RUNX2: variants seen among roughly 807,000 people sequenced by gnomAD.
RUNX2 encodes runt-related transcription factor 2.
RUNX2 carries 10 observed loss-of-function variants against 51.7 expected under a neutral mutation model. That is an observed-to-expected ratio of 0.19 (90% CI 0.12 to 0.33). The LOEUF is 0.33. RUNX2 is among the 10% of genes least tolerant of loss of function. The pLI is 1.00. For synonymous variants in RUNX2, 276 were observed against 273.6 expected (o/e 1.01, Z -0.09); for missense variants, 562 against 691.3 (o/e 0.81, Z 2.10).
At chr6:45,537,276 G>A (rs894093883) in intron 7 of RUNX2, among the ~76,000 whole-genome samples, 2 of 152,178 alleles carry the variant, frequency 1.3e-5, no homozygotes, top group Middle Eastern at 3.4e-3. Flanking sequence ...GTGATAATTG[G>A]TCAGAACACT....
intron 2 of RUNX2, among the ~76,000 whole-genome samples, chr6:45,357,294 A>C (rs1377112521): frequency 6.6e-6 from 1 of 152,126 alleles, no homozygotes; most frequent in African/African-American, 2.4e-5. Flanking sequence ...GGCGTGAGCC[A>C]CTGTGCCCGG....
chr6:45,439,846 C>A (rs1798793479), intron 5 of RUNX2, among the ~76,000 whole-genome samples: 1 of 152,172 alleles, frequency 6.6e-6, no homozygotes, highest in South Asian at 2.1e-4. Context: ...AAAGTCACTT[C>A]TGTTTCAAGT....
Position 45,546,946 on chromosome 6 carries a change from C to G in RUNX2, c.1207C>G (p.Pro403Ala), listed in dbSNP as rs1802418297. ...HYPATFTYTP[P>A]VTSGMSLGMS... is the part of the protein sequence containing the mutation. ...TCCAGCCACCTTTACTTACACCCCG[C>G]CAGTCACCTCAGGCATGTCCCTCGG... Residue 403 changes from proline to alanine, a missense_variant, in exon 9 of 9, where the codon CCA becomes GCA. Transcript: ENST00000647337. 1.2e-6 allele frequency: 2 copies of G among 1,613,926 alleles called. No individual in the cohort carries two copies. The highest frequency in any genetic ancestry group is 3.3e-5 in the Admixed American group (2 of 59,990).
Position 45,538,050 on chromosome 6 carries a change from A to T in RUNX2, c.1022-7167A>T, listed in dbSNP as rs532599410. On this transcript the variant is annotated intron_variant, in intron 7 of 8. Transcript: ENST00000647337. ...ATATCAGTTAAATGTCCCCCTTTAA[A>T]AACCCTTCTCCATTTGTCCACTTCT... is the stretch of plus-strand genomic sequence containing the variant. Among the ~76,000 whole-genome samples, 11 of 152,282 alleles carry T rather than the reference A, an allele frequency of 7.2e-5. No homozygotes were observed. In the South Asian group the frequency reaches 8.3e-4, roughly 11 times the overall value.
chr6:45,336,092 C>T (rs1035531235), intron 2 of RUNX2, among the ~76,000 whole-genome samples: 8 of 151,306 alleles, frequency 5.3e-5, no homozygotes, highest in African/African-American at 1.9e-4. Context: ...ATATTATAAA[C>T]TCCAGTGTCC....
Position 45,547,210 on chromosome 6 carries a change from A to G in RUNX2, c.1471A>G (p.Asn491Asp). The G allele has an allele frequency of 1.2e-6, 2 of 1,614,148 alleles. No homozygotes were observed. Among genetic ancestry groups the G allele is most frequent in the Admixed American group, 1.7e-5 (1 of 60,014 alleles). Residue 491 changes from asparagine to aspartate, a missense_variant, in exon 9 of 9, where the codon AAT (asparagine) becomes GAT (aspartate). This residue lies in a region of RUNX2 where 304 missense variants were observed against 353.2 expected (regional missense o/e 0.86). Transcript: ENST00000647337. ...TLLNPNLPNQ[N>D]DGVDADGSHS... ...ATTAAATCCAAATTTGCCTAACCAG[A>G]ATGATGGTGTTGACGCTGATGGAAG...
intron 5 of RUNX2, among the ~76,000 whole-genome samples, chr6:45,478,047 T>A (rs143475752): frequency 6.6e-6 from 1 of 152,194 alleles, no homozygotes; most frequent in East Asian, 1.9e-4. Flanking sequence ...AATGTTATCT[T>A]CTTCTGCATT....
chr6:45,468,184 C>T (rs1487758025), intron 5 of RUNX2, among the ~76,000 whole-genome samples: 4 of 152,248 alleles, frequency 2.6e-5, no homozygotes, highest in African/African-American at 9.6e-5. Flanking sequence ...TTAGGGCCAA[C>T]ACCTCCTTTT....
At chr6:45,354,288 G>C (rs1792675156) in intron 2 of RUNX2, among the ~76,000 whole-genome samples, 2 of 151,948 alleles carry the variant, frequency 1.3e-5, no homozygotes, top group Non-Finnish European at 2.9e-5. Context: ...TACACACAAT[G>C]AAATAAAAAG....
chr6:45,538,688 A>C (rs1375796342), intron 7 of RUNX2, among the ~76,000 whole-genome samples: 4 of 150,718 alleles, frequency 2.7e-5, no homozygotes, highest in Non-Finnish European at 4.4e-5. Context: ...TTGGCTGGCT[A>C]ATCGGAGGAA....
intron 6 of RUNX2, among the ~76,000 whole-genome samples, chr6:45,496,035 A>T (rs1409629667): frequency 6.6e-6 from 1 of 151,972 alleles, no homozygotes; most frequent in Non-Finnish European, 1.5e-5. Context: ...CTTCCTCTAG[A>T]CCTCTTATCA....
At chr6:45,521,925 G>A (rs1195476404) in intron 7 of RUNX2, among the ~76,000 whole-genome samples, 1 of 152,038 alleles carries the variant, frequency 6.6e-6, no homozygotes. Flanking sequence ...TGCCACTTCT[G>A]TCAATCTGCA....
chr6:45,533,911 T>TG (rs1491440647), intron 7 of RUNX2, among the ~76,000 whole-genome samples: 1 of 112,598 alleles, frequency 8.9e-6, no homozygotes, highest in African/African-American at 4.2e-5. Context: ...TTTTTTTTTT[T>TG]GGAGACAGAG....
At chr6:45,449,598 T>G (rs1312026149) in intron 5 of RUNX2, among the ~76,000 whole-genome samples, 1 of 152,214 alleles carries the variant, frequency 6.6e-6, no homozygotes, top group Non-Finnish European at 1.5e-5. Flanking sequence ...GGATTCTTGG[T>G]TGATGTGATG....
chr6:45,516,943 A>G (rs1021365541), intron 7 of RUNX2, among the ~76,000 whole-genome samples: 1 of 149,762 alleles, frequency 6.7e-6, no homozygotes, highest in African/African-American at 2.4e-5. Flanking sequence ...GAGAGCTTAC[A>G]CAGGTTTTTT....
intron 5 of RUNX2, among the ~76,000 whole-genome samples, chr6:45,455,434 C>T (rs1799292318): frequency 1.3e-5 from 2 of 152,126 alleles, no homozygotes; most frequent in African/African-American, 4.8e-5. Flanking sequence ...GAAAGAAAAT[C>T]AGCTTTAATA....
At chr6:45,445,068 A>G (rs1237124352) in intron 5 of RUNX2, among the ~76,000 whole-genome samples, 1 of 152,196 alleles carries the variant, frequency 6.6e-6, no homozygotes, top group Non-Finnish European at 1.5e-5. Context: ...TCTGTCTCCC[A>G]GGCTGGAGTG....
At chr6:45,373,526 C>A (rs1357173827) in intron 2 of RUNX2, among the ~76,000 whole-genome samples, 1 of 152,126 alleles carries the variant, frequency 6.6e-6, no homozygotes, top group Non-Finnish European at 1.5e-5. Flanking sequence ...AGCACCATTA[C>A]TGTGACTTAA....
At chr6:45,333,107 T>C (rs1160339821) in intron 2 of RUNX2, among the ~76,000 whole-genome samples, 1 of 151,728 alleles carries the variant, frequency 6.6e-6, no homozygotes, top group African/African-American at 2.4e-5. Flanking sequence ...ATCTGAGATG[T>C]TAGTATCTTA....
Sources: gnomAD v4.1 joint callset for allele counts (sites outside exome capture counted in the v4.1 genomes callset) on GRCh38, gnomAD v4.1.1 for gene constraint, gnomAD v4.1.1 regional missense constraint, MANE v1.5 for transcripts, NCBI Gene and HGNC (gene_info 2026-07-23, HGNC 2026-07-21) for gene names.